Variants in ERBIN observed in about 807,000 individuals in gnomAD.
ERBIN encodes the protein densin-180-like protein.
ERBIN carries 60 observed loss-of-function variants against 158.4 expected under a neutral mutation model. The observed-to-expected ratio is 0.38, with a 90% confidence interval of 0.31 to 0.47. The LOEUF (loss-of-function observed/expected upper bound fraction) is 0.47, where lower values mean the gene tolerates loss of function less well. ERBIN is among the 20% of genes least tolerant of loss of function. The pLI is 0.99. For synonymous variants in ERBIN, 594 were observed against 557.2 expected (o/e 1.07, Z -0.93); for missense variants, 1,610 against 1,648.0 (o/e 0.98, Z 0.40).
At chr5:65,997,548 G>C (rs1434371481) in intron 4 of ERBIN, among the ~76,000 whole-genome samples, 1 of 152,088 alleles carries the variant, frequency 6.6e-6, no homozygotes, top group African/African-American at 2.4e-5. Flanking sequence ...GAATGAGTGT[G>C]TATTTCTTTT....
chr5:66,065,211 T>C (rs1760853275), intron 21 of ERBIN, among the ~76,000 whole-genome samples: 1 of 152,200 alleles, frequency 6.6e-6, no homozygotes, highest in Non-Finnish European at 1.5e-5. Context: ...GAGTGAATTT[T>C]CCTAGGCAGT....
chr5:66,008,655 A>G (rs796372978), intron 4 of ERBIN, among the ~76,000 whole-genome samples: 19 of 152,306 alleles, frequency 1.2e-4, no homozygotes, highest in African/African-American at 4.1e-4. Flanking sequence ...TAAAAATACT[A>G]TAACTCCTGG....
intron 21 of ERBIN, among the ~76,000 whole-genome samples, chr5:66,061,742 G>A (rs1023588512): frequency 6.6e-6 from 1 of 152,162 alleles, no homozygotes; most frequent in Non-Finnish European, 1.5e-5. Flanking sequence ...AGGCCTGGTG[G>A]TGACAAAATC....
At chr5:65,967,238 GA>G (rs924227436) in intron 1 of ERBIN, among the ~76,000 whole-genome samples, 13 of 151,984 alleles carry the variant, frequency 8.6e-5, no homozygotes, top group South Asian at 2.1e-4. Flanking sequence ...TATTATTAAA[GA>G]AAAAAAATTT....
chr5:66,018,546 T>TTATATTATATAA lies in ERBIN; in HGVS notation c.534-2771_534-2770insTATATAATATAT, dbSNP rs1755222201. On this transcript the variant is annotated intron_variant, in intron 7 of 25. Coordinates refer to ENST00000284037, the MANE Select transcript of ERBIN (RefSeq NM_001253697.2). Reference sequence around the variant, plus strand: ...TATATATTATATTATATAATATATATTATATATTATATAATATATATTATA... The same window carrying TTATATTATATAA: ...TATATATTATATTATATAATATATATTATATTATATAATATATATTATATAATATATATTATA... Among the ~76,000 whole-genome samples, 43 of 8,540 alleles carry TTATATTATATAA rather than the reference T, an allele frequency of 5.0e-3. 5 individuals carry two copies. The highest frequency in any genetic ancestry group is 0.016 in the Non-Finnish European group (28 of 1,798). The allele number at this position is 8,540 out of a possible 152,430, so 5.6% of individuals were successfully genotyped here.
chr5:65,992,479 G>T (rs1416643692), intron 2 of ERBIN, among the ~76,000 whole-genome samples: 1 of 152,148 alleles, frequency 6.6e-6, no homozygotes, highest in African/African-American at 2.4e-5. Flanking sequence ...GCATGTAAAT[G>T]GCTACTTCAT....
chr5:66,053,375 T>G (rs758573369), intron 20 of ERBIN, 31 bp from the exon 21 acceptor site: 1 of 1,345,482 alleles, frequency 7.4e-7, no homozygotes, highest in Non-Finnish European at 9.9e-7. Flanking sequence ...TCGGCTTTAT[T>G]ATGTTTTTCA....
chr5:65,935,454 C>T (rs1415286263), intron 1 of ERBIN, among the ~76,000 whole-genome samples: 1 of 152,130 alleles, frequency 6.6e-6, no homozygotes, highest in East Asian at 1.9e-4. Context: ...AACATTTGTT[C>T]AAACATTTTT....
intron 1 of ERBIN, among the ~76,000 whole-genome samples, chr5:65,932,118 C>G (rs1040077858): frequency 1.8e-4 from 28 of 151,938 alleles, no homozygotes; most frequent in Admixed American, 1.7e-3. Context: ...GCGCAAAGTG[C>G]TGGTCACAAG....
At chr5:65,981,282 T>G (rs1750627341) in intron 1 of ERBIN, among the ~76,000 whole-genome samples, 1 of 152,192 alleles carries the variant, frequency 6.6e-6, no homozygotes, top group Admixed American at 6.5e-5. Flanking sequence ...GTGCTTAAAT[T>G]ATTAAAGTAG....
At chr5:65,994,427 G>T (rs1277959347) in intron 3 of ERBIN, among the ~76,000 whole-genome samples, 2 of 152,062 alleles carry the variant, frequency 1.3e-5, no homozygotes, top group African/African-American at 2.4e-5. Flanking sequence ...TTGGAATAAG[G>T]TTGCTTGAAA....
rs150784501 is a variant in ERBIN at position 66,076,375 on chromosome 5, G to T, written c.4023G>T (p.Gly1341=). Residue 1341 remains glycine (G), a synonymous_variant, in exon 24 of 26, where the codon GGG becomes GGT. Coordinates refer to ENST00000284037, the MANE Select transcript of ERBIN (RefSeq NM_001253697.2). ...GATTTAGCATATCAGGTGGTGTCGGGGGTAGAGGAAACCCATTCAGACCTG... is the reference window on the plus strand; with the variant it reads ...GATTTAGCATATCAGGTGGTGTCGGTGGTAGAGGAAACCCATTCAGACCTG... ...ELGFSISGGV[G]GRGNPFRPDD... is the part of the protein sequence containing the mutation. The T allele has an allele frequency of 6.2e-6, 10 of 1,613,384 alleles. No individual in the cohort carries two copies. In the South Asian group the frequency reaches 8.8e-5, roughly 14 times the overall value.
At chr5:66,042,793 G>T (rs1379105140) in intron 15 of ERBIN, among the ~76,000 whole-genome samples, 1 of 152,010 alleles carries the variant, frequency 6.6e-6, no homozygotes, top group Non-Finnish European at 1.5e-5. Context: ...TATATCTATG[G>T]TATTTTAATT....
At chr5:66,068,738 C>A in intron 21 of ERBIN, 2 of 661,550 alleles carry the variant, frequency 3.0e-6, no homozygotes, top group East Asian at 3.0e-5. Context: ...GTTCCAATTT[C>A]TTTCACTAAT....
At chr5:66,072,050 G>T in intron 21 of ERBIN, 119 bp from the exon 22 acceptor site, 1 of 933,368 alleles carries the variant, frequency 1.1e-6, no homozygotes, top group Non-Finnish European at 1.6e-6. Flanking sequence ...TGTTTGATTT[G>T]GGTCTTCATC....
chr5:65,928,576 A>G (rs1580033926), intron 1 of ERBIN, among the ~76,000 whole-genome samples: 1 of 152,326 alleles, frequency 6.6e-6, no homozygotes, highest in Non-Finnish European at 1.5e-5. Context: ...AGCACTTGAA[A>G]ATGACTATTT....
At chr5:65,964,948 T>TGTGTG (rs1748389508) in intron 1 of ERBIN, among the ~76,000 whole-genome samples, 1 of 102,282 alleles carries the variant, frequency 9.8e-6, no homozygotes, top group African/African-American at 6.4e-5. Context: ...GTGTGTGTAA[T>TGTGTG]TTTTTTTTTT....
intron 1 of ERBIN, among the ~76,000 whole-genome samples, chr5:65,980,343 G>C (rs1328809280): frequency 6.6e-6 from 1 of 152,194 alleles, no homozygotes; most frequent in South Asian, 2.1e-4. Context: ...CAGGAGAATC[G>C]GGTGAACCTG....
intron 1 of ERBIN, among the ~76,000 whole-genome samples, chr5:65,981,420 A>G (rs973946475): frequency 2.6e-5 from 4 of 152,142 alleles, no homozygotes; most frequent in South Asian, 2.1e-4. Context: ...GCAGAAATCA[A>G]TGAAACAGAA....
Sources: gnomAD v4.1 joint callset for allele counts (sites outside exome capture counted in the v4.1 genomes callset) on GRCh38, gnomAD v4.1.1 for gene constraint, MANE v1.5 for transcripts, NCBI Gene and HGNC (gene_info 2026-07-23, HGNC 2026-07-21) for gene names.